Variants in RAB3GAP1 observed in about 807,000 individuals in gnomAD.
RAB3GAP1 encodes the protein RAB3 GTPase activating protein catalytic subunit 1, also known as rab3 GTPase-activating protein catalytic subunit.
RAB3GAP1 carries 86 observed loss-of-function variants against 130.7 expected under a neutral mutation model. The observed-to-expected ratio is 0.66, with a 90% confidence interval of 0.55 to 0.79. RAB3GAP1 has a LOEUF of 0.79. Ranked by LOEUF, RAB3GAP1 falls within the 30% of genes least tolerant of loss-of-function variation. The pLI, the probability that RAB3GAP1 is intolerant of heterozygous loss-of-function variation, is 0.00. For missense variants in RAB3GAP1, 1,029 were observed against 1,169.4 expected, an observed-to-expected ratio of 0.88 and a Z score of 1.75; for synonymous variants, 367 against 401.7, an observed-to-expected ratio of 0.91 and a Z score of 1.03.
At chr2:135,157,600 C>CGAGGCAAGATCACCT (rs1455042139) in intron 19 of RAB3GAP1, among the ~76,000 whole-genome samples, 1 of 151,760 alleles carries the variant, frequency 6.6e-6, no homozygotes, top group Non-Finnish European at 1.5e-5. Flanking sequence ...TTTGAGAGGC[C>CGAGGCAAGATCACCT]GAGGCAAGAT....
rs34094441 is a variant in RAB3GAP1 at position 135,146,971 on chromosome 2, AACACACACAC to A, written c.1924-3379_1924-3370del. The stretch of plus-strand genomic sequence containing the variant: ...TATGTGATTATTTCAAGGGGGTATA[AACACACACAC>A]ACACACACACACACACACGAAAATT... On this transcript the variant is annotated intron_variant, in intron 17 of 23. Coordinates refer to ENST00000264158, the MANE Select transcript of RAB3GAP1 (RefSeq NM_012233.3). 3.2e-3 allele frequency among the ~76,000 whole-genome samples: 466 copies of A among 147,530 alleles called. 3 individuals are homozygous for A. The highest frequency in any genetic ancestry group is 0.01 in the African/African-American group (420 of 40,494).
intron 9 of RAB3GAP1, 110 bp from the exon 10 acceptor site, chr2:135,126,071 A>C: frequency 1.2e-6 from 1 of 810,002 alleles, no homozygotes; most frequent in Non-Finnish European, 2.1e-6. Flanking sequence ...TTGTATTATA[A>C]ATAATGCCAC....
chr2:135,067,699 A>G (rs1432816740), intron 3 of RAB3GAP1, among the ~76,000 whole-genome samples: 1 of 152,102 alleles, frequency 6.6e-6, no homozygotes, highest in Non-Finnish European at 1.5e-5. Context: ...ACTGTTAGTC[A>G]TTATTTATTG....
At chr2:135,075,456 C>G (rs1453720914) in intron 3 of RAB3GAP1, among the ~76,000 whole-genome samples, 1 of 151,948 alleles carries the variant, frequency 6.6e-6, no homozygotes, top group Non-Finnish European at 1.5e-5. Flanking sequence ...AAAACTGTAT[C>G]TTGGCATGTT....
At chr2:135,130,216 A>G (rs1691492243) in intron 12 of RAB3GAP1, 129 bp downstream of exon 12, 1 of 786,458 alleles carries the variant, frequency 1.3e-6, no homozygotes, top group Admixed American at 2.2e-5. Flanking sequence ...GATGGACTAG[A>G]CAGCTACAGT....
chr2:135,156,329 T>C (rs1692310008), intron 19 of RAB3GAP1, among the ~76,000 whole-genome samples: 1 of 152,182 alleles, frequency 6.6e-6, no homozygotes, highest in South Asian at 2.1e-4. Context: ...ATTTTCCAAC[T>C]TCTCTCTGTG....
chr2:135,130,469 T>G (rs1691499964), intron 12 of RAB3GAP1, 83 bp from the exon 13 acceptor site: 1 of 1,154,678 alleles, frequency 8.7e-7, no homozygotes. Flanking sequence ...AGTAAAATAT[T>G]CTATATAATC....
At chr2:135,153,397 T>C (rs1692226294) in intron 18 of RAB3GAP1, among the ~76,000 whole-genome samples, 2 of 152,362 alleles carry the variant, frequency 1.3e-5, no homozygotes, top group African/African-American at 4.8e-5. Context: ...GATTTTCTCT[T>C]TACATCGAGT....
At chr2:135,162,439 G>A (rs781265573) in intron 19 of RAB3GAP1, 116 bp from the exon 20 acceptor site, 2 of 780,078 alleles carry the variant, frequency 2.6e-6, no homozygotes, top group South Asian at 2.9e-5. Flanking sequence ...CTGCCTATCT[G>A]GAGTGCTGTC....
intron 3 of RAB3GAP1, among the ~76,000 whole-genome samples, chr2:135,063,162 G>T (rs968603783): frequency 4.6e-5 from 7 of 152,152 alleles, no homozygotes; most frequent in Non-Finnish European, 1.0e-4. Context: ...CCATAAGACT[G>T]AGTAAATTAT....
At chr2:135,137,585 T>G (rs1691709473) in intron 17 of RAB3GAP1, among the ~76,000 whole-genome samples, 1 of 152,164 alleles carries the variant, frequency 6.6e-6, no homozygotes, top group South Asian at 2.1e-4. Flanking sequence ...GAAGTGACCT[T>G]GATGGACAGT....
intron 17 of RAB3GAP1, among the ~76,000 whole-genome samples, chr2:135,142,410 T>G (rs530340028): frequency 1.3e-5 from 2 of 152,138 alleles, no homozygotes; most frequent in African/African-American, 4.8e-5. Flanking sequence ...CATTGACTTA[T>G]TAGTAGTTTA....
intron 5 of RAB3GAP1, among the ~76,000 whole-genome samples, chr2:135,098,956 A>G (rs1361917452): frequency 1.3e-5 from 2 of 152,134 alleles, no homozygotes; most frequent in African/African-American, 2.4e-5. Context: ...TATATATACA[A>G]TCACTGTCTC....
rs1208642090 is a variant in RAB3GAP1, at chr2:135,113,202, T to C, written c.414T>C (p.Ala138=). The C allele has an allele frequency of 6.2e-7, 1 of 1,614,182 alleles. No individual in the cohort carries two copies. The highest frequency in any genetic ancestry group is 8.5e-7 in the Non-Finnish European group (1 of 1,180,004). The change falls in exon 6 of 24, where the codon GCT becomes GCC. Residue 138 remains alanine (A), a synonymous_variant. Transcript: ENST00000264158. ...VVIAPAAHSD[A]VLSESKCNLL... ...TTGCCCCTGCTGCACACAGTGACGC[T>C]GTTCTCAGCGAATCTAAGTGCAACC...
At chr2:135,052,353 T>C (rs1231024021) in intron 1 of RAB3GAP1, 28 bp downstream of exon 1, 1 of 1,614,168 alleles carries the variant, frequency 6.2e-7, no homozygotes, top group East Asian at 2.2e-5. Context: ...TACTTAATCC[T>C]TGTCACTATC....
At chr2:135,130,132 T>G (rs1278345622) in intron 12 of RAB3GAP1, 45 bp downstream of exon 12, 1 of 1,439,700 alleles carries the variant, frequency 6.9e-7, no homozygotes, top group African/African-American at 1.4e-5. Context: ...TGTCTTACTG[T>G]TTTTCCTTGG....
At chr2:135,173,577 T>C (rs898030427), downstream of RAB3GAP1, among the ~76,000 whole-genome samples, 8 of 152,130 alleles carry the variant, frequency 5.3e-5, no homozygotes, top group African/African-American at 1.9e-4. Flanking sequence ...TGGGAAAGAA[T>C]AGAGAAGGGG....
downstream of RAB3GAP1, among the ~76,000 whole-genome samples, chr2:135,174,469 C>T (rs957546579): frequency 6.6e-6 from 1 of 152,230 alleles, no homozygotes; most frequent in African/African-American, 2.4e-5. Flanking sequence ...AGGGCCTTGC[C>T]TTAAAACAGC....
chr2:135,174,633 T>A (rs1209879280), downstream of RAB3GAP1, among the ~76,000 whole-genome samples: 3 of 152,240 alleles, frequency 2.0e-5, no homozygotes, highest in Non-Finnish European at 4.4e-5. Flanking sequence ...TTTGTTCACA[T>A]TCCTCTTTCT....
Sources: gnomAD v4.1 joint callset for allele counts (sites outside exome capture counted in the v4.1 genomes callset) on GRCh38, gnomAD v4.1.1 for gene constraint, MANE v1.5 for transcripts, NCBI Gene and HGNC (gene_info 2026-07-23, HGNC 2026-07-21) for gene names.